The following DST variants were observed in gnomAD, a reference collection of about 807,000 sequenced individuals.
The protein encoded by DST is dystonin.
DST carries 253 observed loss-of-function variants against 875.2 expected under a neutral mutation model. The observed-to-expected ratio is 0.29, with a 90% CI of 0.26 to 0.32. The LOEUF is 0.32. DST is among the 10% of genes least tolerant of loss of function. The pLI, the probability that DST is intolerant of heterozygous loss-of-function variation, is 1.00. For synonymous variants in DST, 3,124 were observed against 3,197.1 expected (o/e 0.98, Z 0.77); for missense variants, 8,287 against 9,111.6 (o/e 0.91, Z 3.68).
At chr6:56,512,355 T>C (rs1021851634) in intron 72 of DST, among the ~76,000 whole-genome samples, 1 of 152,324 alleles carries the variant, frequency 6.6e-6, no homozygotes, top group Middle Eastern at 3.4e-3. Flanking sequence ...ATGGATCCCA[T>C]GGATTTCAAT....
chr6:56,828,684 T>C (rs2099783649), intron 4 of DST, among the ~76,000 whole-genome samples: 1 of 152,222 alleles, frequency 6.6e-6, no homozygotes, highest in African/African-American at 2.4e-5. Flanking sequence ...CCTCCTTTTC[T>C]GGACTTTAGT....
chr6:56,537,343 T>A (rs976358300), intron 61 of DST, among the ~76,000 whole-genome samples: 2 of 152,172 alleles, frequency 1.3e-5, no homozygotes, highest in African/African-American at 4.8e-5. Context: ...TGAGCCTTCA[T>A]GGGCAAGGCA....
intron 19 of DST, 76 bp from the exon 20 acceptor site, chr6:56,639,849 T>C (rs1420443383): frequency 1.3e-6 from 2 of 1,586,524 alleles, no homozygotes; most frequent in Non-Finnish European, 8.6e-7. Flanking sequence ...GTATCTATTA[T>C]TGATTTACAG....
chr6:56,738,150 GA>G (rs569088250), intron 4 of DST, among the ~76,000 whole-genome samples: 1 of 151,486 alleles, frequency 6.6e-6, no homozygotes, highest in African/African-American at 2.4e-5. Flanking sequence ...CTGTCAGGGA[GA>G]AAAAAAAGGT....
chr6:56,606,917 T>G lies in DST; in HGVS notation c.7711A>C (p.Ile2571Leu), dbSNP rs1172617543. ...VTPGGDTDNA[I>L]VSLTCATPLL... ...GGTGTAGCACAAGTAAGAGACACAA[T>G]GGCATTATCAGTATCACCCCCTGGA... Residue 2571 changes from isoleucine (I) to leucine (L), a missense_variant, in exon 40 of 104, where the codon ATT (isoleucine) becomes CTT (leucine). Physicochemically the swap from Ile to Leu is conservative, Grantham distance 5. Transcript: ENST00000680361. The G allele has an allele frequency of 1.9e-6, 3 of 1,613,480 alleles. No individual in the cohort carries two copies. The highest frequency in any genetic ancestry group is 1.7e-6 in the Non-Finnish European group (2 of 1,179,594).
chr6:56,880,014 T>C (rs983395607), intron 3 of DST, among the ~76,000 whole-genome samples: 2 of 152,254 alleles, frequency 1.3e-5, no homozygotes, highest in African/African-American at 2.4e-5. Context: ...TTAAAATTTC[T>C]ATTCCCACAA....
chr6:56,572,831 C>T lies in DST; in HGVS notation c.13470G>A (p.Gln4490=), dbSNP rs763709471. Residue 4490 remains glutamine (Q), a synonymous_variant, in exon 52 of 104, where the codon CAG becomes CAA. Transcript: ENST00000680361. ...ELFENLSEKL[Q]TFLETKTQAL... ...CCTGAGTTTTTGTTTCTAAAAATGT[C>T]TGGAGCTTTTCTGAGAGGTTCTCAA... The T allele has an allele frequency of 1.7e-5, 28 of 1,611,802 alleles. No homozygotes were observed. The highest frequency in any genetic ancestry group is 2.2e-5 in the Non-Finnish European group (26 of 1,179,342).
chr6:56,835,360 T>G (rs906014155), intron 4 of DST, among the ~76,000 whole-genome samples: 1 of 152,236 alleles, frequency 6.6e-6, no homozygotes, highest in African/African-American at 2.4e-5. Flanking sequence ...ACTACGTAAT[T>G]GATGAATCAA....
chr6:56,488,994 T>G (rs1016305985), intron 86 of DST, among the ~76,000 whole-genome samples: 1 of 152,204 alleles, frequency 6.6e-6, no homozygotes, highest in Non-Finnish European at 1.5e-5. Context: ...TGGGTGGAAT[T>G]TTATACGTGC....
rs529376525 is a variant in DST at position 56,558,633 on chromosome 6, AT to A, written c.14441-1116del. Reference sequence around the variant, plus strand: ...TTCTAATACAATTTCCCTAAAAAAAATGTCACTTTTAAAACTGTCACTTCAC... The same window carrying A: ...TTCTAATACAATTTCCCTAAAAAAAAGTCACTTTTAAAACTGTCACTTCAC... On this transcript the variant is annotated intron_variant, in intron 58 of 103. Transcript: ENST00000680361. Among the ~76,000 whole-genome samples, 84 of 152,232 alleles carry A rather than the reference AT, an allele frequency of 5.5e-4. 1 individual carries two copies. The highest frequency in any genetic ancestry group is 1.3e-3 in the African/African-American group (52 of 41,556).
At chr6:56,806,448 C>T (rs896342446) in intron 4 of DST, among the ~76,000 whole-genome samples, 4 of 152,098 alleles carry the variant, frequency 2.6e-5, no homozygotes, top group African/African-American at 9.7e-5. Flanking sequence ...GGACTAAATG[C>T]AAGGAAAGCT....
chr6:56,458,902 C>A lies in DST; in HGVS notation c.*103G>T, dbSNP rs947722160. The stretch of plus-strand genomic sequence containing the variant: ...ATAAGGCCATCTGCAGAATTTTAAA[C>A]TCGCCTCTTGCAATATTTCACAAGA... On this transcript the variant is annotated 3_prime_UTR_variant, in exon 104 of 104. Transcript: ENST00000680361. 2.4e-6 allele frequency: 3 copies of A among 1,274,466 alleles called. No individual in the cohort carries two copies. The highest frequency in any genetic ancestry group is 3.2e-6 in the Non-Finnish European group (3 of 951,916). 78.9% of individuals were successfully genotyped at this position (1,274,466 alleles called of 1,614,324 possible).
chr6:56,937,552 C>T lies in DST; in HGVS notation c.216+16233G>A, dbSNP rs143877319. ...AAGATACTGGACCCCACATACACTGCTGATGAGAATATTAAATTGTACAGC... is the reference window on the plus strand; with the variant it reads ...AAGATACTGGACCCCACATACACTGTTGATGAGAATATTAAATTGTACAGC... On this transcript the variant is annotated intron_variant, in intron 2 of 103. Coordinates refer to ENST00000680361, the MANE Select transcript of DST (RefSeq NM_001374736.1). Among the ~76,000 whole-genome samples the T allele has an allele frequency of 5.5e-3, 832 of 152,218 alleles. 5 individuals carry two copies. The highest frequency in any genetic ancestry group is 0.014 in the Middle Eastern group (4 of 294).
Position 56,506,688 on chromosome 6 carries a change from A to G in DST, c.19341T>C (p.Ile6447=). ...GTACCTCATCTATACTCTTCTTGAC[A>G]ATGGGTTTATCAGGCTCCCCACATG... ...IAACGEPDKP[I]VKKSIDELNS... is the part of the protein sequence containing the mutation. The change falls in exon 76 of 104, where the codon ATT becomes ATC. Residue 6447 remains isoleucine (I), a synonymous_variant. Transcript: ENST00000680361. The G allele has an allele frequency of 6.2e-7, 1 of 1,613,616 alleles. No homozygotes were observed. The highest frequency in any genetic ancestry group is 8.5e-7 in the Non-Finnish European group (1 of 1,179,672).
At chr6:56,595,616 G>T (rs923229283) in intron 47 of DST, among the ~76,000 whole-genome samples, 1 of 152,134 alleles carries the variant, frequency 6.6e-6, no homozygotes, top group African/African-American at 2.4e-5. Flanking sequence ...CCGTTCACTT[G>T]TAAGTCTGAT....
intron 3 of DST, among the ~76,000 whole-genome samples, chr6:56,864,397 C>T (rs1772909469): frequency 1.3e-5 from 2 of 152,054 alleles, no homozygotes; most frequent in Non-Finnish European, 2.9e-5. Flanking sequence ...CTAACTAACA[C>T]AATTGTCTAC....
intron 3 of DST, among the ~76,000 whole-genome samples, chr6:56,899,982 G>A (rs1401539813): frequency 6.6e-6 from 1 of 152,316 alleles, no homozygotes; most frequent in Non-Finnish European, 1.5e-5. Flanking sequence ...ACTGGCTCAA[G>A]AGCCTCCAGG....
chr6:56,809,356 C>T (rs924857371), intron 4 of DST, among the ~76,000 whole-genome samples: 5 of 152,172 alleles, frequency 3.3e-5, no homozygotes, highest in African/African-American at 7.2e-5. Context: ...TCTGTCAGGG[C>T]ATCAGTCAGG....
chr6:56,800,849 T>A (rs1234764410), intron 4 of DST, among the ~76,000 whole-genome samples: 2 of 151,728 alleles, frequency 1.3e-5, no homozygotes, highest in African/African-American at 4.8e-5. Context: ...TGAAACCCCA[T>A]CTCTCCAAAA....
Sources: allele counts gnomAD v4.1 joint callset (sites outside exome capture counted in the v4.1 genomes callset), GRCh38; gene constraint gnomAD v4.1.1; transcripts MANE v1.5; gene names NCBI Gene and HGNC (gene_info 2026-07-23, HGNC 2026-07-21).